The following INPP4B variants were observed in gnomAD, a reference collection of about 807,000 sequenced individuals.
INPP4B encodes the protein inositol polyphosphate-4-phosphatase type II B.
In INPP4B, 55 loss-of-function variants were observed where a neutral mutation model predicts 122.5. That is an observed-to-expected ratio of 0.45 (90% CI 0.36 to 0.56). The LOEUF (loss-of-function observed/expected upper bound fraction) is 0.56, where lower values mean the gene tolerates loss of function less well. Ranked by LOEUF, INPP4B falls within the 20% of genes least tolerant of loss-of-function variation. The pLI is 0.00. For missense variants in INPP4B, 1,000 were observed against 1,097.7 expected (o/e 0.91, Z 1.26); for synonymous variants, 403 against 388.7 (o/e 1.04, Z -0.43).
At chr4:142,064,131 A>T (rs1762353278) in intron 25 of INPP4B, among the ~76,000 whole-genome samples, 1 of 152,172 alleles carries the variant, frequency 6.6e-6, no homozygotes, top group African/African-American at 2.4e-5. Flanking sequence ...TTCAAGACTA[A>T]ATCCTTGCTA....
At chr4:142,807,185 T>C (rs909101767) in intron 1 of INPP4B, among the ~76,000 whole-genome samples, 14 of 152,084 alleles carry the variant, frequency 9.2e-5, no homozygotes, top group African/African-American at 3.1e-4. Flanking sequence ...CCTTCCATGG[T>C]AGCAAATATT....
chr4:142,633,433 A>C (rs989352596), intron 2 of INPP4B, among the ~76,000 whole-genome samples: 3 of 152,196 alleles, frequency 2.0e-5, no homozygotes, highest in Middle Eastern at 3.2e-3. Context: ...AAGCTGCAGA[A>C]CAAACTTATT....
At chr4:142,729,411 C>T (rs989046684) in intron 1 of INPP4B, among the ~76,000 whole-genome samples, 1 of 152,162 alleles carries the variant, frequency 6.6e-6, no homozygotes, top group African/African-American at 2.4e-5. Flanking sequence ...AAATGGAAGC[C>T]AATAGCCAAT....
intron 25 of INPP4B, among the ~76,000 whole-genome samples, chr4:142,078,787 T>C (rs1041335055): frequency 6.6e-6 from 1 of 151,842 alleles, no homozygotes; most frequent in East Asian, 1.9e-4. Flanking sequence ...TTCCCTTGAG[T>C]TTTTATGATG....
At chr4:142,519,814 A>G (rs966182181) in intron 2 of INPP4B, among the ~76,000 whole-genome samples, 1 of 152,144 alleles carries the variant, frequency 6.6e-6, no homozygotes, top group African/African-American at 2.4e-5. Context: ...TTGAGAAGAT[A>G]AACATTTACT....
intron 12 of INPP4B, among the ~76,000 whole-genome samples, chr4:142,233,442 G>GA (rs774939849): frequency 6.6e-6 from 1 of 152,104 alleles, no homozygotes; most frequent in East Asian, 1.9e-4. Flanking sequence ...TCTTTATGGA[G>GA]AAAAAACAAG....
At chr4:142,536,928 C>G (rs983363329) in intron 2 of INPP4B, among the ~76,000 whole-genome samples, 8 of 152,114 alleles carry the variant, frequency 5.3e-5, no homozygotes, top group African/African-American at 1.9e-4. Flanking sequence ...TCCCAAGTAG[C>G]TGGGGCTACA....
intron 2 of INPP4B, among the ~76,000 whole-genome samples, chr4:142,564,086 A>G (rs539222521): frequency 6.6e-6 from 1 of 152,372 alleles, no homozygotes; most frequent in East Asian, 1.9e-4. Flanking sequence ...GATAGAATCC[A>G]TATAGAAACT....
chr4:142,261,046 C>A (rs898129737), intron 10 of INPP4B, among the ~76,000 whole-genome samples: 2 of 152,206 alleles, frequency 1.3e-5, no homozygotes, highest in African/African-American at 4.8e-5. Context: ...AACGCAAGCA[C>A]TTGCTCAAAA....
At chr4:142,667,784 T>C (rs1756368925) in intron 2 of INPP4B, among the ~76,000 whole-genome samples, 1 of 152,136 alleles carries the variant, frequency 6.6e-6, no homozygotes, top group Non-Finnish European at 1.5e-5. Context: ...AGTAGATGAT[T>C]GAATAGAAAG....
chr4:142,137,760 A>C (rs975902850), intron 18 of INPP4B, among the ~76,000 whole-genome samples: 1 of 151,380 alleles, frequency 6.6e-6, no homozygotes, highest in Non-Finnish European at 1.5e-5. Context: ...GAAGACATTT[A>C]TGCAGCCAAA....
intron 2 of INPP4B, among the ~76,000 whole-genome samples, chr4:142,588,681 TAAA>T (rs1736767488): frequency 6.6e-6 from 1 of 151,456 alleles, no homozygotes; most frequent in African/African-American, 2.4e-5. Context: ...TCTGATGAAA[TAAA>T]TCCAAGAAGT....
chr4:142,777,545 G>C (rs1774117726), intron 1 of INPP4B, among the ~76,000 whole-genome samples: 1 of 152,154 alleles, frequency 6.6e-6, no homozygotes, highest in South Asian at 2.1e-4. Context: ...GACACCCTGA[G>C]CCTCTGATCC....
intron 2 of INPP4B, among the ~76,000 whole-genome samples, chr4:142,524,094 T>C (rs957170906): frequency 2.0e-5 from 3 of 151,770 alleles, no homozygotes; most frequent in African/African-American, 7.3e-5. Context: ...TCTTTGCTAT[T>C]GTGAATAGTG....
intron 2 of INPP4B, among the ~76,000 whole-genome samples, chr4:142,616,277 T>C (rs1023540478): frequency 3.9e-5 from 6 of 152,124 alleles, no homozygotes; most frequent in Non-Finnish European, 7.4e-5. Flanking sequence ...TTTGATGAGA[T>C]TCCTAGAGAG....
rs557062384 is a variant in INPP4B, at chr4:142,082,241, C to T, written c.2488-56G>A. On this transcript the variant is annotated intron_variant, in intron 24 of 25. Coordinates refer to ENST00000262992, the MANE Select transcript of INPP4B (RefSeq NM_001101669.3). ...GTTCATTTGTAATACCGTAAAGTGT[C>T]GGCCTCCTCCAAACACTTCTAGTCT... The T allele has an allele frequency of 3.4e-5, 48 of 1,396,060 alleles. 1 individual carries two copies. Among genetic ancestry groups the T allele is most frequent in the Admixed American group, 3.3e-4 (18 of 53,914 alleles). 86.5% of individuals were successfully genotyped at this position (1,396,060 alleles called of 1,614,324 possible).
chr4:142,192,472 C>T (rs1323623429), intron 15 of INPP4B, among the ~76,000 whole-genome samples: 6 of 151,558 alleles, frequency 4.0e-5, no homozygotes, highest in Non-Finnish European at 7.4e-5. Flanking sequence ...ATAGGATAAC[C>T]CCAACTGATA....
intron 7 of INPP4B, among the ~76,000 whole-genome samples, chr4:142,377,734 G>A (rs1466090591): frequency 6.6e-6 from 1 of 151,858 alleles, no homozygotes; most frequent in African/African-American, 2.4e-5. Flanking sequence ...AATGAATGTT[G>A]GACTATCAGA....
intron 7 of INPP4B, among the ~76,000 whole-genome samples, chr4:142,381,704 A>C (rs1468082927): frequency 1.3e-5 from 2 of 152,124 alleles, no homozygotes; most frequent in Non-Finnish European, 2.9e-5. Context: ...AATAATCCAA[A>C]TGAAGTTCAT....
Sources: allele counts gnomAD v4.1 joint callset (sites outside exome capture counted in the v4.1 genomes callset), GRCh38; gene constraint gnomAD v4.1.1; transcripts MANE v1.5; gene names NCBI Gene and HGNC (gene_info 2026-07-23, HGNC 2026-07-21).